Variants in ANKRD17 observed in about 807,000 individuals in gnomAD.
ANKRD17 encodes the protein ankyrin repeat domain 17.
In ANKRD17, 19 loss-of-function variants were observed where a neutral mutation model predicts 229.7. That is an observed-to-expected ratio of 0.08 (90% CI 0.06 to 0.12). The LOEUF (loss-of-function observed/expected upper bound fraction) is 0.12. ANKRD17 is among the 10% of genes least tolerant of loss of function. The pLI, the probability that ANKRD17 is intolerant of heterozygous loss-of-function variation, is 1.00. For missense variants in ANKRD17, 2,176 were observed against 3,176.8 expected (o/e 0.68, Z 7.57); for synonymous variants, 1,112 against 1,146.1 (o/e 0.97, Z 0.60).
At chr4:73,147,969 C>T (rs1424714002) in intron 8 of ANKRD17, among the ~76,000 whole-genome samples, 3 of 152,066 alleles carry the variant, frequency 2.0e-5, no homozygotes, top group Admixed American at 1.3e-4. Flanking sequence ...ACTTAACAGG[C>T]ACTACATGAC....
intron 1 of ANKRD17, among the ~76,000 whole-genome samples, chr4:73,250,075 A>G (rs1744849921): frequency 6.6e-6 from 1 of 152,174 alleles, no homozygotes; most frequent in Non-Finnish European, 1.5e-5. Context: ...TAAAATGAGA[A>G]TTATGATTCT....
chr4:73,245,739 G>A (rs1287565776), intron 1 of ANKRD17, among the ~76,000 whole-genome samples: 1 of 152,038 alleles, frequency 6.6e-6, no homozygotes. Flanking sequence ...AGATCCTCTC[G>A]AGGTAGCCAG....
chr4:73,177,718 A>T (rs776135666), intron 1 of ANKRD17, among the ~76,000 whole-genome samples, 185 bp from the exon 2 acceptor site: 1 of 152,070 alleles, frequency 6.6e-6, no homozygotes, highest in Non-Finnish European at 1.5e-5. Context: ...AAAAGAAGAA[A>T]TTTTTTTGTG....
chr4:73,193,742 T>G (rs1274185156), intron 1 of ANKRD17, among the ~76,000 whole-genome samples: 2 of 152,132 alleles, frequency 1.3e-5, no homozygotes, highest in African/African-American at 4.8e-5. Flanking sequence ...GCAACAGCCC[T>G]GGTCAACGTG....
intron 1 of ANKRD17, among the ~76,000 whole-genome samples, chr4:73,190,613 A>C (rs1736942739): frequency 6.6e-6 from 1 of 151,746 alleles, no homozygotes; most frequent in Non-Finnish European, 1.5e-5. Flanking sequence ...ATACAGAAAA[A>C]GGAAAAGGAA....
At chr4:73,086,373 C>A (rs1437892742) in intron 29 of ANKRD17, among the ~76,000 whole-genome samples, 1 of 151,926 alleles carries the variant, frequency 6.6e-6, no homozygotes, top group Non-Finnish European at 1.5e-5. Flanking sequence ...TTTTAGATAA[C>A]ATTTTTTTTT....
At chr4:73,255,132 A>G (rs775783110) in intron 1 of ANKRD17, among the ~76,000 whole-genome samples, 4 of 152,198 alleles carry the variant, frequency 2.6e-5, no homozygotes, top group Non-Finnish European at 5.9e-5. Flanking sequence ...CAAATTATCT[A>G]AGACGTGATT....
intron 16 of ANKRD17, among the ~76,000 whole-genome samples, chr4:73,134,044 A>G (rs1728587137): frequency 6.6e-6 from 1 of 152,204 alleles, no homozygotes; most frequent in Admixed American, 6.5e-5. Context: ...AGTCCCTGGC[A>G]ATTTTAAGTA....
At chr4:73,167,578 C>G (rs946493816) in intron 2 of ANKRD17, among the ~76,000 whole-genome samples, 5 of 152,112 alleles carry the variant, frequency 3.3e-5, no homozygotes, top group African/African-American at 9.7e-5. Context: ...CCTGAGTCTT[C>G]TTGTCTTCAG....
chr4:73,256,874 C>T (rs1745499463), intron 1 of ANKRD17, among the ~76,000 whole-genome samples: 1 of 152,196 alleles, frequency 6.6e-6, no homozygotes, highest in African/African-American at 2.4e-5. Flanking sequence ...ATATTTTTGT[C>T]ATACATACTT....
At chr4:73,110,323 A>G (rs907417354) in intron 24 of ANKRD17, among the ~76,000 whole-genome samples, 6 of 152,208 alleles carry the variant, frequency 3.9e-5, no homozygotes, top group African/African-American at 1.4e-4. Flanking sequence ...GTATTAAAAA[A>G]TCTGCTGGCC....
chr4:73,180,546 A>G (rs1306479503), intron 1 of ANKRD17, among the ~76,000 whole-genome samples: 2 of 152,208 alleles, frequency 1.3e-5, no homozygotes, highest in Admixed American at 6.5e-5. Context: ...CTTCTCCACA[A>G]AAGTTCTTAT....
chr4:73,078,376 CA>C (rs564579561), intron 31 of ANKRD17, among the ~76,000 whole-genome samples: 52 of 132,624 alleles, frequency 3.9e-4, no homozygotes, highest in South Asian at 4.7e-4. Flanking sequence ...GACTCCGTCT[CA>C]AAAAAAAAAA....
intron 1 of ANKRD17, among the ~76,000 whole-genome samples, chr4:73,206,476 C>CAGGG (rs1739470529): frequency 6.6e-6 from 1 of 150,966 alleles, no homozygotes; most frequent in African/African-American, 2.4e-5. Flanking sequence ...GGGAGGCAGG[C>CAGGG]AGGGAGGGAG....
chr4:73,249,471 C>G (rs1404241356), intron 1 of ANKRD17, among the ~76,000 whole-genome samples: 6 of 152,194 alleles, frequency 3.9e-5, no homozygotes, highest in Non-Finnish European at 8.8e-5. Context: ...AATTTATTTT[C>G]TAAACTGAAA....
At chr4:73,138,361 A>G (rs1398723925) in intron 15 of ANKRD17, among the ~76,000 whole-genome samples, 1 of 152,110 alleles carries the variant, frequency 6.6e-6, no homozygotes, top group Non-Finnish European at 1.5e-5. Flanking sequence ...TGTTATAACT[A>G]CTGAGGTGCT....
intron 27 of ANKRD17, among the ~76,000 whole-genome samples, chr4:73,095,026 T>C (rs759777892): frequency 1.3e-5 from 2 of 150,886 alleles, no homozygotes; most frequent in Non-Finnish European, 3.0e-5. Flanking sequence ...ATACAAAAAT[T>C]AGCCAGGCAT....
intron 1 of ANKRD17, among the ~76,000 whole-genome samples, chr4:73,231,609 C>G (rs536226087): frequency 2.6e-5 from 4 of 152,292 alleles, no homozygotes; most frequent in African/African-American, 9.6e-5. Flanking sequence ...AGACCAGTTT[C>G]CTGGCATACA....
intron 1 of ANKRD17, among the ~76,000 whole-genome samples, chr4:73,246,515 C>G (rs140448764): frequency 1.3e-5 from 2 of 152,022 alleles, no homozygotes; most frequent in Non-Finnish European, 2.9e-5. Flanking sequence ...AAGGTTTGCA[C>G]AAATGGTAGG....
Sources: allele counts gnomAD v4.1 joint callset (sites outside exome capture counted in the v4.1 genomes callset), GRCh38; gene constraint gnomAD v4.1.1; transcripts MANE v1.5; gene names NCBI Gene and HGNC (gene_info 2026-07-23, HGNC 2026-07-21).